Variants in PDLIM5 observed in about 807,000 individuals in gnomAD.
PDLIM5 encodes PDZ and LIM domain protein 5.
PDLIM5 carries 34 observed loss-of-function variants against 64.2 expected under a neutral mutation model. The ratio of observed to expected loss-of-function variants is 0.53; its 90% CI spans 0.40 to 0.71. The LOEUF (loss-of-function observed/expected upper bound fraction) is 0.71, where lower values mean the gene tolerates loss of function less well. Ranked by LOEUF, PDLIM5 falls within the 30% of genes least tolerant of loss-of-function variation. PDLIM5 has a pLI of 0.00. For missense variants in PDLIM5, 683 were observed against 733.6 expected, an observed-to-expected ratio of 0.93 and a Z score of 0.80; for synonymous variants, 253 against 269.1, an observed-to-expected ratio of 0.94 and a Z score of 0.59.
chr4:94,531,760 A>G (rs1449663489), intron 3 of PDLIM5, among the ~76,000 whole-genome samples: 1 of 152,186 alleles, frequency 6.6e-6, no homozygotes, highest in Non-Finnish European at 1.5e-5. Flanking sequence ...ATATTTGATA[A>G]GATGGGATAG....
At chr4:94,601,182 T>G (rs1737458982) in intron 7 of PDLIM5, among the ~76,000 whole-genome samples, 1 of 152,152 alleles carries the variant, frequency 6.6e-6, no homozygotes, top group Non-Finnish European at 1.5e-5. Context: ...GGCTGGGAAG[T>G]CAAGATCGAG....
chr4:94,494,695 C>G (rs1441363262), intron 2 of PDLIM5, among the ~76,000 whole-genome samples: 2 of 151,724 alleles, frequency 1.3e-5, no homozygotes, highest in African/African-American at 4.8e-5. Context: ...CTGCTTCGGC[C>G]TCCCAAAGTG....
In PDLIM5 at chr4:94,666,146, T is replaced by A; in HGVS notation, c.*2079T>A. The A allele has an allele frequency of 1.3e-6, 1 of 752,014 alleles. No homozygotes were observed. 46.6% of individuals were successfully genotyped at this position (752,014 alleles called of 1,614,324 possible). ...CCCATCACTCACTTACGACATCACT[T>A]CCATTGTGTGCATGTTTGTTATAGA... On this transcript the variant is annotated 3_prime_UTR_variant, in exon 13 of 13. Transcript: ENST00000317968.
At position 94,649,454 on chromosome 4, in the gene PDLIM5, C is replaced by G. The variant is rs528834804; in HGVS notation, c.1284-5006C>G. Among the ~76,000 whole-genome samples the G allele has an allele frequency of 2.6e-5, 4 of 152,280 alleles. No homozygotes were observed. The East Asian group carries it at 5.8e-4, about 22-fold the overall frequency. On this transcript the variant is annotated intron_variant, in intron 9 of 12. Transcript: ENST00000317968. ...CTCCCATTTCATCCCTACTTCCTACCTATACCATCTTCCTCTCTGCCCTCC... is the reference window on the plus strand; with the variant it reads ...CTCCCATTTCATCCCTACTTCCTACGTATACCATCTTCCTCTCTGCCCTCC...
intron 2 of PDLIM5, among the ~76,000 whole-genome samples, chr4:94,509,783 G>C (rs1439622212): frequency 6.6e-6 from 1 of 152,174 alleles, no homozygotes; most frequent in Non-Finnish European, 1.5e-5. Flanking sequence ...GGCTAGGCCA[G>C]TCTCTCTTTT....
chr4:94,568,958 G>A (rs1734574250), intron 3 of PDLIM5, among the ~76,000 whole-genome samples: 1 of 152,170 alleles, frequency 6.6e-6, no homozygotes, highest in Non-Finnish European at 1.5e-5. Context: ...TCAATTTGGG[G>A]TGTGCCCACA....
At chr4:94,483,293 A>G (rs951634268) in intron 2 of PDLIM5, among the ~76,000 whole-genome samples, 21 of 152,290 alleles carry the variant, frequency 1.4e-4, no homozygotes, top group Admixed American at 1.2e-3. Flanking sequence ...TACTAAAACA[A>G]ACTTAAAAAT....
chr4:94,548,623 C>T (rs746818322), intron 3 of PDLIM5, among the ~76,000 whole-genome samples: 32 of 152,142 alleles, frequency 2.1e-4, no homozygotes, highest in Non-Finnish European at 3.2e-4. Context: ...AAGGGGTGAA[C>T]CAAAAGACAT....
In PDLIM5 at chr4:94,642,832, G is replaced by A. The variant is rs141788951; in HGVS notation, c.1283+2382G>A. On this transcript the variant is annotated intron_variant, in intron 9 of 12. Transcript: ENST00000317968. ...TCTCTTGGACACCTGTTTTAAAAAC[G>A]AGCTGTAGTTTCAGGCTTGATACCT... Among the ~76,000 whole-genome samples, 379 of 152,200 alleles carry A rather than the reference G, an allele frequency of 2.5e-3. 2 individuals carry two copies. Among genetic ancestry groups the A allele is most frequent in the African/African-American group, 8.5e-3 (354 of 41,528 alleles).
intron 4 of PDLIM5, chr4:94,573,617 A>G: frequency 1.9e-6 from 1 of 526,852 alleles, no homozygotes; most frequent in East Asian, 3.1e-5. Flanking sequence ...GCCATATGTT[A>G]CAATAACTTA....
At chr4:94,522,260 G>A (rs979971490) in intron 2 of PDLIM5, among the ~76,000 whole-genome samples, 7 of 152,234 alleles carry the variant, frequency 4.6e-5, no homozygotes, top group South Asian at 4.1e-4. Flanking sequence ...AGAAAGTGGC[G>A]TATAGCTCAC....
chr4:94,483,505 A>G (rs1726055331), intron 2 of PDLIM5, among the ~76,000 whole-genome samples: 1 of 152,122 alleles, frequency 6.6e-6, no homozygotes, highest in East Asian at 1.9e-4. Context: ...GGACCCCAAT[A>G]AGGTCCATAC....
intron 2 of PDLIM5, among the ~76,000 whole-genome samples, chr4:94,509,659 T>C (rs1728692184): frequency 1.3e-5 from 2 of 152,206 alleles, no homozygotes; most frequent in Admixed American, 1.3e-4. Context: ...CACAATAGGC[T>C]GTCTGCAAGC....
At chr4:94,551,479 C>T (rs1493112) in intron 3 of PDLIM5, among the ~76,000 whole-genome samples, 45,456 of 151,878 alleles carry the variant, frequency 0.3, 6,912 homozygotes, top group East Asian at 0.42. Flanking sequence ...GAGTTTAAAA[C>T]GCTTGAAGCA....
intron 7 of PDLIM5, among the ~76,000 whole-genome samples, chr4:94,600,327 A>G (rs528382638): frequency 2.1e-4 from 32 of 152,336 alleles, no homozygotes; most frequent in South Asian, 4.1e-4. Context: ...GTGTGTAGCC[A>G]CTTGGCTATT....
At chr4:94,543,765 G>A (rs1417783242) in intron 3 of PDLIM5, among the ~76,000 whole-genome samples, 1 of 146,472 alleles carries the variant, frequency 6.8e-6, no homozygotes, top group Admixed American at 6.9e-5. Context: ...TTTTAAGGCT[G>A]AATAGTATTC....
intron 3 of PDLIM5, among the ~76,000 whole-genome samples, chr4:94,564,816 C>G (rs929979962): frequency 1.6e-4 from 24 of 151,910 alleles, no homozygotes; most frequent in African/African-American, 5.8e-4. Flanking sequence ...CCACCACGCC[C>G]AGCTAATTTT....
intron 2 of PDLIM5, among the ~76,000 whole-genome samples, chr4:94,479,378 G>C (rs963008332): frequency 2.7e-5 from 4 of 146,968 alleles, no homozygotes; most frequent in Admixed American, 1.4e-4. Flanking sequence ...CCAGGCTGGA[G>C]TGCAGTGGCA....
chr4:94,581,880 A>T (rs1049016952), intron 5 of PDLIM5, among the ~76,000 whole-genome samples: 3 of 152,180 alleles, frequency 2.0e-5, no homozygotes, highest in Non-Finnish European at 4.4e-5. Flanking sequence ...AGGTGTCACT[A>T]ACTTAGTTCC....
Sources: gnomAD v4.1 joint callset for allele counts (sites outside exome capture counted in the v4.1 genomes callset) on GRCh38, gnomAD v4.1.1 for gene constraint, MANE v1.5 for transcripts, NCBI Gene and HGNC (gene_info 2026-07-23, HGNC 2026-07-21) for gene names.